SLIT1: variants seen among roughly 807,000 people sequenced by gnomAD.
The protein encoded by SLIT1 is slit guidance ligand 1.
Under a neutral mutation model 186.1 loss-of-function variants are expected in SLIT1, and 66 were observed. The ratio of observed to expected loss-of-function variants is 0.35; its 90% CI spans 0.29 to 0.44. The LOEUF (loss-of-function observed/expected upper bound fraction) is 0.44. SLIT1 is among the 20% of genes least tolerant of loss of function. SLIT1 has a pLI of 1.00. For synonymous variants in SLIT1, 761 were observed against 833.8 expected, an observed-to-expected ratio of 0.91 and a Z score of 1.50; for missense variants, 1,638 against 2,037.4, an observed-to-expected ratio of 0.80 and a Z score of 3.77.
chr10:97,002,833 C>T lies in SLIT1; in HGVS notation c.4025G>A (p.Cys1342Tyr). ...KPGVVPGCEP[C>Y]RKLYCLHGIC... is the part of the protein sequence containing the mutation. ...GCCATGCAGGCAGTAGAGCTTGCGG[C>T]AGGGTTCGCAGCCTGGCACCACGCC... The change falls in exon 35 of 37, where the codon TGC (cysteine) becomes TAC (tyrosine). Residue 1342 changes from cysteine to tyrosine, a missense_variant. By Grantham distance (194) the Cys-to-Tyr change is radical (BLOSUM62 -2). Around this residue, in one of 3 missense-constraint regions of SLIT1, gnomAD observed 173 missense variants for 290.9 expected, o/e 0.59. Coordinates refer to ENST00000266058, the MANE Select transcript of SLIT1 (RefSeq NM_003061.3). 6.2e-7 allele frequency: 1 copy of T among 1,614,178 alleles called. No individual in the cohort carries two copies. Among genetic ancestry groups the T allele is most frequent in the Non-Finnish European group, 8.5e-7 (1 of 1,180,022 alleles).
intron 1 of SLIT1, among the ~76,000 whole-genome samples, chr10:97,177,056 C>A (rs1014024539): frequency 3.9e-5 from 6 of 152,164 alleles, no homozygotes; most frequent in Admixed American, 1.3e-4. Context: ...AGCTACAGAG[C>A]CAGCACCTCT....
At chr10:97,152,194 C>T (rs528481666) in intron 4 of SLIT1, among the ~76,000 whole-genome samples, 1 of 152,266 alleles carries the variant, frequency 6.6e-6, no homozygotes, top group Admixed American at 6.5e-5. Context: ...TCCTGCCCAC[C>T]ACATGCCAGC....
chr10:97,035,631 G>A (rs1257401836), intron 22 of SLIT1, among the ~76,000 whole-genome samples: 3 of 152,126 alleles, frequency 2.0e-5, no homozygotes, highest in African/African-American at 7.2e-5. Flanking sequence ...CTGCCATGAG[G>A]GTGGCACCAG....
chr10:97,039,528 G>C (rs1464300556), intron 21 of SLIT1, among the ~76,000 whole-genome samples: 3 of 152,188 alleles, frequency 2.0e-5, no homozygotes, highest in South Asian at 4.1e-4. Context: ...TTTCAGTGAG[G>C]GGGTGTTAGC....
intron 4 of SLIT1, among the ~76,000 whole-genome samples, chr10:97,084,244 C>T (rs1456562090): frequency 6.6e-6 from 1 of 152,224 alleles, no homozygotes; most frequent in Admixed American, 6.5e-5. Context: ...TTTTCTCCAA[C>T]TTCTAGAGAA....
intron 4 of SLIT1, among the ~76,000 whole-genome samples, chr10:97,152,242 CA>C (rs1417543096): frequency 6.6e-6 from 1 of 152,046 alleles, no homozygotes; most frequent in African/African-American, 2.4e-5. Context: ...TCTGCAGGGT[CA>C]CCTAAGCCCC....
chr10:97,116,349 A>G (rs2134683704), intron 4 of SLIT1, among the ~76,000 whole-genome samples: 2 of 152,254 alleles, frequency 1.3e-5, no homozygotes, highest in South Asian at 4.1e-4. Flanking sequence ...AGCTAGCCGA[A>G]GCCCACTGCA....
intron 4 of SLIT1, among the ~76,000 whole-genome samples, chr10:97,146,281 C>T (rs145776891): frequency 0.01 from 1,594 of 152,282 alleles, 32 homozygotes; most frequent in African/African-American, 0.037. Context: ...AAATACAAAC[C>T]TGGGTCACGG....
chr10:97,143,884 G>T (rs958804791), intron 4 of SLIT1, among the ~76,000 whole-genome samples: 2 of 152,174 alleles, frequency 1.3e-5, no homozygotes, highest in African/African-American at 2.4e-5. Context: ...ATGCTCAGAG[G>T]TTCAATGTTA....
At chr10:97,045,366 C>G (rs1848725704) in intron 18 of SLIT1, among the ~76,000 whole-genome samples, 2 of 152,066 alleles carry the variant, frequency 1.3e-5, no homozygotes, top group Non-Finnish European at 1.5e-5. Context: ...AAGGAAAAAG[C>G]AGGTTACTAA....
At chr10:97,115,785 G>A (rs1849503601) in intron 4 of SLIT1, among the ~76,000 whole-genome samples, 1 of 152,194 alleles carries the variant, frequency 6.6e-6, no homozygotes, top group African/African-American at 2.4e-5. Context: ...TGAAAATGGT[G>A]TTTCTCTGCC....
intron 4 of SLIT1, among the ~76,000 whole-genome samples, chr10:97,100,632 C>CAAAA (rs10666094): frequency 1.4e-5 from 2 of 142,132 alleles, no homozygotes; most frequent in Admixed American, 6.9e-5. Context: ...GACTCTGTCT[C>CAAAA]AAAAAAAAAA....
chr10:97,170,205 C>T (rs1850169559), intron 1 of SLIT1, among the ~76,000 whole-genome samples: 1 of 152,252 alleles, frequency 6.6e-6, no homozygotes, highest in African/African-American at 2.4e-5. Context: ...CAAATTCCTG[C>T]TCCACCATTA....
intron 13 of SLIT1, among the ~76,000 whole-genome samples, chr10:97,055,373 T>G (rs1278212476): frequency 6.6e-6 from 1 of 152,048 alleles, no homozygotes. Context: ...AGCACTCTGT[T>G]TTTTTTTGAA....
At chr10:97,093,611 G>A (rs959961976) in intron 4 of SLIT1, among the ~76,000 whole-genome samples, 1 of 152,226 alleles carries the variant, frequency 6.6e-6, no homozygotes, top group Non-Finnish European at 1.5e-5. Context: ...AAAAGATAGA[G>A]GGGTCCTGGG....
At chr10:97,016,394 C>A (rs976773316) in intron 28 of SLIT1, among the ~76,000 whole-genome samples, 1 of 151,966 alleles carries the variant, frequency 6.6e-6, no homozygotes, top group African/African-American at 2.4e-5. Flanking sequence ...ATTTTTAAAG[C>A]TTAATTTATT....
At position 97,004,966 on chromosome 10, in the gene SLIT1, A is replaced by C. The variant is rs1298552333; in HGVS notation, c.3580-143T>G. ...TTCCCCCACCTGGCCAGCCTCCCCAAGGCCATTCCTCCAGGGGGCACCAAT... is the reference window on the plus strand; with the variant it reads ...TTCCCCCACCTGGCCAGCCTCCCCACGGCCATTCCTCCAGGGGGCACCAAT... On this transcript the variant is annotated intron_variant, in intron 32 of 36. Coordinates refer to ENST00000266058, the MANE Select transcript of SLIT1 (RefSeq NM_003061.3). The surrounding 1 kb of genome is among the most constrained non-coding windows in gnomAD (Gnocchi z 5.1). The C allele has an allele frequency of 3.2e-6, 3 of 949,130 alleles. No homozygotes were observed. 58.8% of individuals were successfully genotyped at this position (949,130 alleles called of 1,614,324 possible).
At position 97,068,133 on chromosome 10, in the gene SLIT1, T is replaced by TTGAATGAATGAATGAATGAATGAA. The variant is rs113007870; in HGVS notation, c.414-2071_414-2048dup. On this transcript the variant is annotated intron_variant, in intron 4 of 36. Coordinates refer to ENST00000266058, the MANE Select transcript of SLIT1 (RefSeq NM_003061.3). This position sits in a 1 kb window ranked among gnomAD's most constrained non-coding sequence, Gnocchi z 4.2. ...ACATCAGCCACTCGCCAAGCATTTG[T>TTGAATGAATGAATGAATGAATGAA]TGAATGAATGAATGAATGAATGAAT... is the stretch of plus-strand genomic sequence containing the variant. Among the ~76,000 whole-genome samples, 3 of 151,702 alleles carry TTGAATGAATGAATGAATGAATGAA rather than the reference T, an allele frequency of 2.0e-5. No homozygotes were observed. The highest frequency in any genetic ancestry group is 7.3e-5 in the African/African-American group (3 of 41,084).
At chr10:97,065,970 G>T in intron 5 of SLIT1, 45 bp downstream of exon 5, 1 of 1,394,746 alleles carries the variant, frequency 7.2e-7, no homozygotes, top group Non-Finnish European at 1.0e-6. Flanking sequence ...GCCAGGAGTG[G>T]CCCTGGAGCC....
Sources: allele counts gnomAD v4.1 joint callset (sites outside exome capture counted in the v4.1 genomes callset), GRCh38; gene constraint gnomAD v4.1.1; regional missense constraint gnomAD v4.1.1; non-coding constraint Gnocchi (gnomAD v3.1); transcripts MANE v1.5; gene names NCBI Gene and HGNC (gene_info 2026-07-23, HGNC 2026-07-21).